The following INTS6L variants were observed in gnomAD, a reference collection of about 807,000 sequenced individuals.
The protein encoded by INTS6L is integrator complex subunit 6 like.
In INTS6L, 18 loss-of-function variants were observed where a neutral mutation model predicts 64.7. The observed-to-expected ratio is 0.28, with a 90% CI of 0.19 to 0.41. INTS6L has a LOEUF of 0.41. Ranked by LOEUF, INTS6L falls within the 10% of genes least tolerant of loss-of-function variation. The probability of loss-of-function intolerance (pLI) is 1.00; values close to 1 mark genes in which losing one functional copy is unlikely to be tolerated. For missense variants in INTS6L, 533 were observed against 661.0 expected (o/e 0.81, Z 2.12); for synonymous variants, 227 against 235.9 (o/e 0.96, Z 0.34).
intron 9 of INTS6L, among the ~76,000 whole-genome samples, chrX:135,558,942 C>T (rs1556520781): frequency 2.8e-5 from 3 of 108,821 alleles, no homozygotes; most frequent in Admixed American, 9.8e-5. Context: ...CGCACCACCA[C>T]GCCCAGCTTT....
intron 7 of INTS6L, 124 bp downstream of exon 7, chrX:135,549,929 T>A: frequency 1.3e-6 from 1 of 756,684 alleles, no homozygotes. Context: ...TCTTCCCTCC[T>A]TTGCCTTCTA....
chrX:135,545,381 A>G, intron 2 of INTS6L, 42 bp from the exon 3 acceptor site: 1 of 1,196,009 alleles, frequency 8.4e-7, no homozygotes, highest in Non-Finnish European at 1.1e-6. Flanking sequence ...TATATTGTTC[A>G]TTGTATAATC....
At chrX:135,574,148 G>A in intron 13 of INTS6L, 86 bp downstream of exon 13, 1 of 988,229 alleles carries the variant, frequency 1.0e-6, no homozygotes, top group Non-Finnish European at 1.3e-6. Context: ...ATAATGAGTA[G>A]GCTATTTTAT....
At chrX:135,548,713 A>G (rs1478036188) in intron 6 of INTS6L, among the ~76,000 whole-genome samples, 1 of 111,319 alleles carries the variant, frequency 9.0e-6, no homozygotes, top group Non-Finnish European at 1.9e-5. Flanking sequence ...CCTACTGCAC[A>G]GTGGACCCAT....
chrX:135,528,897 C>T (rs1457262850), intron 2 of INTS6L, among the ~76,000 whole-genome samples: 2 of 69,105 alleles, frequency 2.9e-5, no homozygotes, highest in Non-Finnish European at 5.1e-5. Flanking sequence ...CAATAAAAGA[C>T]TCATTTGTGC....
chrX:135,534,461 A>G (rs1229815349), intron 2 of INTS6L, among the ~76,000 whole-genome samples: 2 of 110,800 alleles, frequency 1.8e-5, no homozygotes, highest in African/African-American at 6.6e-5. Context: ...CAAGTAAACT[A>G]GATTTCATAC....
Position 135,577,377 on chromosome X carries a change from C to T in INTS6L, c.2069C>T (p.Ser690Leu), listed in dbSNP as rs782206953. The T allele has an allele frequency of 1.9e-5, 23 of 1,211,911 alleles. No individual in the cohort carries two copies. The highest frequency in any genetic ancestry group is 5.9e-5 in the East Asian group (2 of 33,845). ...HVGGKGPPSA[S>L]WFPSYPNLIK... Reference sequence around the variant, plus strand: ...GGCGGAAAGGGACCACCCTCAGCCTCGTGGTTCCCATCTTATCCAAACCTC... The same window carrying T: ...GGCGGAAAGGGACCACCCTCAGCCTTGTGGTTCCCATCTTATCCAAACCTC... The change falls in exon 15 of 18, where the codon TCG becomes TTG. Residue 690 changes from serine (S) to leucine (L), a missense_variant. Ser to Leu is a moderately radical substitution (Grantham distance 145, BLOSUM62 -2). Coordinates refer to ENST00000639893, the MANE Select transcript of INTS6L (RefSeq NM_001351601.3).
At chrX:135,577,564 G>A in intron 15 of INTS6L, 137 bp downstream of exon 15, 2 of 622,499 alleles carry the variant, frequency 3.2e-6, no homozygotes, top group Non-Finnish European at 4.9e-6. Flanking sequence ...TCATCTATTT[G>A]GTAGGTACAA....
intron 2 of INTS6L, 105 bp from the exon 3 acceptor site, chrX:135,545,318 G>C (rs1304807826): frequency 2.5e-5 from 25 of 1,004,840 alleles, no homozygotes; most frequent in Non-Finnish European, 3.4e-5. Flanking sequence ...TTAGGTTAAA[G>C]AGTGGTTAAT....
chrX:135,557,755 T>A (rs2086677689), intron 9 of INTS6L, among the ~76,000 whole-genome samples: 1 of 111,992 alleles, frequency 8.9e-6, no homozygotes, highest in Non-Finnish European at 1.9e-5. Context: ...AGAGATGACC[T>A]CAAAAGCACA....
rs997830483 is a variant in INTS6L at position 135,572,120 on chromosome X, C to T, written c.1399-695C>T. On this transcript the variant is annotated intron_variant, in intron 11 of 17. Coordinates refer to ENST00000639893, the MANE Select transcript of INTS6L (RefSeq NM_001351601.3). ...CAAATTACTAATTTAATAACTGGGT[C>T]ACCAGTGTTTCTTGAGCCATTTCAG... 5 of 111,911 alleles carry T rather than the reference C, an allele frequency of 4.5e-5. No homozygotes were observed. The South Asian group carries it at 1.8e-3, about 41-fold the overall frequency. 9.2% of individuals were successfully genotyped at this position (111,911 alleles called of 1,213,427 possible).
intron 7 of INTS6L, among the ~76,000 whole-genome samples, chrX:135,550,192 C>G (rs2086463042): frequency 8.9e-6 from 1 of 112,402 alleles, no homozygotes; most frequent in African/African-American, 3.2e-5. Flanking sequence ...GAAGTTTGAA[C>G]ATAGTTTACA....
chrX:135,521,876 C>G (rs989837374), intron 2 of INTS6L, among the ~76,000 whole-genome samples: 4 of 109,074 alleles, frequency 3.7e-5, no homozygotes, highest in Non-Finnish European at 7.7e-5. Flanking sequence ...TCTTCCTCCC[C>G]CTCCTTGGGC....
At chrX:135,542,446 C>T (rs1050774466) in intron 2 of INTS6L, among the ~76,000 whole-genome samples, 6 of 108,574 alleles carry the variant, frequency 5.5e-5, no homozygotes, top group African/African-American at 1.7e-4. Context: ...TGCAGTGAGC[C>T]GAGATCGTGC....
chrX:135,575,231 G>T lies in INTS6L; in HGVS notation c.1884+5G>T, dbSNP rs2148673636. 1 of 1,204,336 alleles carries T rather than the reference G, an allele frequency of 8.3e-7. No individual in the cohort carries two copies. Among genetic ancestry groups the T allele is most frequent in the South Asian group, 1.8e-5 (1 of 54,937 alleles). ...CCGTTTAAACAAGATAAGAAGGTAGGATACCTATGCCTATGTCTGCCTAAA... is the reference window on the plus strand; with the variant it reads ...CCGTTTAAACAAGATAAGAAGGTAGTATACCTATGCCTATGTCTGCCTAAA... On this transcript the variant is annotated splice_donor_5th_base_variant and intron_variant, in intron 14 of 17. Transcript: ENST00000639893.
rs530102678 is a variant in INTS6L at position 135,576,755 on chromosome X, G to A, written c.1885-438G>A. Among the ~76,000 whole-genome samples the A allele has an allele frequency of 3.4e-4, 38 of 112,372 alleles. No homozygotes were observed. In the South Asian group the frequency reaches 0.014, roughly 42 times the overall value. On this transcript the variant is annotated intron_variant, in intron 14 of 17. Transcript: ENST00000639893. ...ATACTGTACAGTGATAATCAATGTT[G>A]TTTAATGATATGAGTTTGGAGCATA...
At position 135,580,148 on chromosome X, in the gene INTS6L, G is replaced by A. The variant is rs1416342045; in HGVS notation, c.2480G>A (p.Arg827Gln). 3 of 1,177,147 alleles carry A rather than the reference G, an allele frequency of 2.5e-6. No homozygotes were observed. The highest frequency in any genetic ancestry group is 2.4e-5 in the Admixed American group (1 of 41,234). The change falls in exon 16 of 18, where the codon CGA becomes CAA. Residue 827 changes from arginine (R) to glutamine (Q), a missense_variant. By Grantham distance (43) the Arg-to-Gln change is conservative. Coordinates refer to ENST00000639893, the MANE Select transcript of INTS6L (RefSeq NM_001351601.3). ...DIKHQLMKEV[R>Q]KFGRKYERIF... The stretch of plus-strand genomic sequence containing the variant: ...AAACATCAATTAATGAAGGAAGTTC[G>A]AAAGTTTGGTCGAAGTAAGTAGTGA...
At position 135,575,208 on chromosome X, in the gene INTS6L, G is replaced by A. The variant is rs148324685; in HGVS notation, c.1866G>A (p.Pro622=). Residue 622 remains proline, a synonymous_variant, in exon 14 of 18, where the codon CCG becomes CCA. Coordinates refer to ENST00000639893, the MANE Select transcript of INTS6L (RefSeq NM_001351601.3). ...QPKRLHTFGN[P]FKQDKKGMMI... ...AAAGACTGCATACTTTTGGCAATCC[G>A]TTTAAACAAGATAAGAAGGTAGGAT... 4.2e-4 allele frequency: 512 copies of A among 1,207,779 alleles called. 3 individuals are homozygous for A. In the South Asian group the frequency reaches 8.1e-3, roughly 19 times the overall value.
chrX:135,581,161 C>T lies in INTS6L; in HGVS notation c.2588+18C>T, dbSNP rs372697515. On this transcript the variant is annotated intron_variant, in intron 17 of 17. Transcript: ENST00000639893. ...GCCGCAAGGTAGGTATAAACAGGAACTCTTCAATTTTTTGTTTTTGTTTTT... is the reference window on the plus strand; with the variant it reads ...GCCGCAAGGTAGGTATAAACAGGAATTCTTCAATTTTTTGTTTTTGTTTTT... 114 of 1,135,339 alleles carry T rather than the reference C, an allele frequency of 1.0e-4. No homozygotes were observed. The highest frequency in any genetic ancestry group is 1.1e-4 in the Admixed American group (4 of 35,703). 93.6% of individuals were successfully genotyped at this position (1,135,339 alleles called of 1,213,427 possible). A position where few individuals can be genotyped will look rare whatever the true frequency, so the allele number is the denominator to read the frequency against.
Sources: allele counts gnomAD v4.1 joint callset (sites outside exome capture counted in the v4.1 genomes callset), GRCh38; gene constraint gnomAD v4.1.1; transcripts MANE v1.5; gene names NCBI Gene and HGNC (gene_info 2026-07-23, HGNC 2026-07-21).